SPPL2A: variants seen among roughly 807,000 people sequenced by gnomAD.
SPPL2A encodes the protein signal peptide peptidase like 2A.
SPPL2A carries 51 observed loss-of-function variants against 63.8 expected under a neutral mutation model. The ratio of observed to expected loss-of-function variants is 0.80; its 90% CI spans 0.64 to 1.01. The LOEUF (loss-of-function observed/expected upper bound fraction) is 1.01, where lower values mean the gene tolerates loss of function less well. SPPL2A is among the 50% of genes least tolerant of loss of function. The pLI is 0.00. For missense variants in SPPL2A, 553 were observed against 622.7 expected (o/e 0.89, Z 1.19); for synonymous variants, 188 against 205.8 (o/e 0.91, Z 0.74).
Position 50,706,924 on chromosome 15 carries a change from C to T in SPPL2A, c.*876G>A, listed in dbSNP as rs937816639. 2 of 151,888 alleles carry T rather than the reference C, an allele frequency of 1.3e-5. No homozygotes were observed. The highest frequency in any genetic ancestry group is 2.4e-5 in the African/African-American group (1 of 41,342). The allele number at this position is 151,888 out of a possible 1,614,324, so 9.4% of individuals were successfully genotyped here. A position where few individuals can be genotyped will look rare whatever the true frequency, so the allele number is the denominator to read the frequency against. ...GGAAAAATGTTCTTAATATAATACA[C>T]GTGCAGTCTGAAGTAATTTCAGTTC... On this transcript the variant is annotated 3_prime_UTR_variant, in exon 15 of 15. Transcript: ENST00000261854.
Position 50,703,356 on chromosome 15 carries a change from A to ATTTTTTTTTTTTTTTTTTT in SPPL2A, c.*4425_*4443dup, listed in dbSNP as rs61674724. On this transcript the variant is annotated 3_prime_UTR_variant, in exon 15 of 15. Transcript: ENST00000261854. ...TATATATATATATATACATATATAT[A>ATTTTTTTTTTTTTTTTTTT]TTTTTTTTTTTTTTTTTTTTTTTTG... 3 of 62,046 alleles carry ATTTTTTTTTTTTTTTTTTT rather than the reference A, an allele frequency of 4.8e-5. No homozygotes were observed. Among genetic ancestry groups the ATTTTTTTTTTTTTTTTTTT allele is most frequent in the African/African-American group, 7.0e-5 (1 of 14,228 alleles). The allele number at this position is 62,046 out of a possible 1,614,324, so 3.8% of individuals were successfully genotyped here. A position where few individuals can be genotyped will look rare whatever the true frequency, so the allele number is the denominator to read the frequency against.
intron 9 of SPPL2A, 134 bp downstream of exon 9, chr15:50,732,469 A>C: frequency 1.7e-6 from 1 of 599,202 alleles, no homozygotes; most frequent in Non-Finnish European, 3.0e-6. Context: ...AGTGGTTATA[A>C]AGTTACACAT....
At chr15:50,711,955 C>A (rs375489068) in intron 14 of SPPL2A, among the ~76,000 whole-genome samples, 14 of 152,274 alleles carry the variant, frequency 9.2e-5, no homozygotes, top group African/African-American at 3.4e-4. Context: ...AAGTGCCTCA[C>A]TTTTACAGTG....
rs1240194717 is a variant in SPPL2A, at chr15:50,765,573, C to G, written c.-40G>C. On this transcript the variant is annotated 5_prime_UTR_variant, in exon 1 of 15. Transcript: ENST00000261854. ...CCGGGTGGGACGGCACGGTGCGGCGCAGCTCACTCGGCGGGGTAGGCTCGG... is the reference window on the plus strand; with the variant it reads ...CCGGGTGGGACGGCACGGTGCGGCGGAGCTCACTCGGCGGGGTAGGCTCGG... 6 of 1,344,658 alleles carry G rather than the reference C, an allele frequency of 4.5e-6. No homozygotes were observed. In the South Asian group the frequency reaches 1.0e-4, roughly 22 times the overall value. 83.3% of individuals were successfully genotyped at this position (1,344,658 alleles called of 1,614,324 possible).
In SPPL2A at chr15:50,736,790, A is replaced by G. The variant is rs757611057; in HGVS notation, c.734-50T>C. ...ACATGAGAACAGAAGGAAAGGTGAT[A>G]AGAAAATATTTATACAAGCAATATT... On this transcript the variant is annotated intron_variant, in intron 6 of 14. Transcript: ENST00000261854. 119 of 907,696 alleles carry G rather than the reference A, an allele frequency of 1.3e-4. No individual in the cohort carries two copies. In the East Asian group the frequency reaches 2.9e-3, roughly 22 times the overall value. The allele number at this position is 907,696 out of a possible 1,614,324, so 56.2% of individuals were successfully genotyped here.
At chr15:50,761,666 T>C (rs1158409064) in intron 1 of SPPL2A, among the ~76,000 whole-genome samples, 1 of 152,064 alleles carries the variant, frequency 6.6e-6, no homozygotes, top group Non-Finnish European at 1.5e-5. Context: ...CCAAGAGCGG[T>C]GGCTCACGCC....
chr15:50,756,170 C>G (rs1308696494), intron 1 of SPPL2A, among the ~76,000 whole-genome samples: 1 of 151,516 alleles, frequency 6.6e-6, no homozygotes, highest in Non-Finnish European at 1.5e-5. Context: ...ACCATCCTGG[C>G]TAACATGGTG....
chr15:50,742,363 C>T (rs2062828744), intron 5 of SPPL2A, among the ~76,000 whole-genome samples: 1 of 151,820 alleles, frequency 6.6e-6, no homozygotes, highest in Non-Finnish European at 1.5e-5. Context: ...GCACTCCAAC[C>T]TGGGCAACAA....
chr15:50,740,926 C>T (rs935579559), intron 5 of SPPL2A, among the ~76,000 whole-genome samples: 8 of 152,032 alleles, frequency 5.3e-5, no homozygotes, highest in Non-Finnish European at 1.0e-4. Flanking sequence ...TAAATGTAAA[C>T]GCTAAATTCT....
intron 14 of SPPL2A, among the ~76,000 whole-genome samples, chr15:50,716,055 C>A (rs1233003941): frequency 6.6e-6 from 1 of 152,074 alleles, no homozygotes; most frequent in Non-Finnish European, 1.5e-5. Flanking sequence ...ACTCGTCTAT[C>A]CATTTATCCA....
chr15:50,715,294 G>A (rs539908029), intron 14 of SPPL2A, among the ~76,000 whole-genome samples: 38 of 152,052 alleles, frequency 2.5e-4, no homozygotes, highest in Admixed American at 2.3e-3. Flanking sequence ...CACCGCTCCC[G>A]GCCTAAGAAT....
At chr15:50,749,400 GC>G (rs1477373479) in intron 2 of SPPL2A, among the ~76,000 whole-genome samples, 2 of 151,966 alleles carry the variant, frequency 1.3e-5, no homozygotes, top group Admixed American at 1.3e-4. Flanking sequence ...CAATTCTCCT[GC>G]CTCAGCCTCC....
chr15:50,727,519 C>T (rs781229690), intron 10 of SPPL2A, among the ~76,000 whole-genome samples: 4 of 152,122 alleles, frequency 2.6e-5, no homozygotes, highest in African/African-American at 4.8e-5. Flanking sequence ...TTATGTAAAA[C>T]ATTTAACTGA....
intron 8 of SPPL2A, among the ~76,000 whole-genome samples, chr15:50,733,182 G>A (rs1312577090): frequency 6.6e-6 from 1 of 152,068 alleles, no homozygotes; most frequent in Non-Finnish European, 1.5e-5. Flanking sequence ...GATCCAAATA[G>A]CTTGAACATA....
At chr15:50,725,758 T>A (rs919308074) in intron 11 of SPPL2A, among the ~76,000 whole-genome samples, 5 of 152,170 alleles carry the variant, frequency 3.3e-5, no homozygotes, top group Admixed American at 3.3e-4. Flanking sequence ...ATGGAATGAT[T>A]AACATTAGAA....
intron 10 of SPPL2A, among the ~76,000 whole-genome samples, chr15:50,728,494 C>A (rs2062704180): frequency 2.0e-5 from 3 of 151,884 alleles, no homozygotes; most frequent in Admixed American, 2.0e-4. Flanking sequence ...CAGGTGCCCG[C>A]CACCATGCCC....
At chr15:50,758,607 C>T (rs1298505744) in intron 1 of SPPL2A, among the ~76,000 whole-genome samples, 2 of 152,024 alleles carry the variant, frequency 1.3e-5, no homozygotes, top group Admixed American at 6.6e-5. Flanking sequence ...CAATTATAGG[C>T]GTGAGCCATC....
At chr15:50,727,121 A>T (rs2141031049) in intron 10 of SPPL2A, among the ~76,000 whole-genome samples, 1 of 152,378 alleles carries the variant, frequency 6.6e-6, no homozygotes, top group East Asian at 1.9e-4. Context: ...ATTGTGAGGC[A>T]GCAAGCTAAG....
At chr15:50,729,919 GGGCTTGAGCCCAGGAGTTTGA>G (rs1422589615) in intron 10 of SPPL2A, among the ~76,000 whole-genome samples, 49 of 151,450 alleles carry the variant, frequency 3.2e-4, no homozygotes, top group African/African-American at 1.1e-3. Context: ...GAGGACTCCT[GGGCTTGAGCCCAGGAGTTTGA>G]GGCTGCAGTG....
Sources: gnomAD v4.1 joint callset for allele counts (sites outside exome capture counted in the v4.1 genomes callset) on GRCh38, gnomAD v4.1.1 for gene constraint, MANE v1.5 for transcripts, NCBI Gene and HGNC (gene_info 2026-07-23, HGNC 2026-07-21) for gene names.